ESR1: variants seen among roughly 807,000 people sequenced by gnomAD.
ESR1 encodes estrogen receptor.
A neutral mutation model predicts 52.7 loss-of-function variants in ESR1; 12 were observed. That is an observed-to-expected ratio of 0.23 (90% CI 0.15 to 0.37). The LOEUF (loss-of-function observed/expected upper bound fraction) is 0.37. Ranked by LOEUF, ESR1 falls within the 10% of genes least tolerant of loss-of-function variation. The pLI is 1.00. For missense variants in ESR1, 584 were observed against 779.7 expected (o/e 0.75, Z 2.99); for synonymous variants, 305 against 316.8 (o/e 0.96, Z 0.39).
rs189116461 is a variant in ESR1, at chr6:151,890,127, C to T, written c.760+9356C>T. Among the ~76,000 whole-genome samples the T allele has an allele frequency of 3.0e-4, 45 of 151,520 alleles. No homozygotes were observed. The East Asian group carries it at 7.5e-3, about 25-fold the overall frequency. On this transcript the variant is annotated intron_variant, in intron 3 of 7. Transcript: ENST00000206249. ...TGAGACAGAGTCTCACTGTGTTGCC[C>T]AGGCTGGAGTGCACTGGCTCAATCT...
At chr6:151,740,751 C>T (rs999949759) in intron 2 of ESR1, among the ~76,000 whole-genome samples, 3 of 152,060 alleles carry the variant, frequency 2.0e-5, no homozygotes, top group African/African-American at 7.2e-5. Flanking sequence ...GAATCTGATG[C>T]CCAATATTCT....
chr6:152,121,546 T>C (rs1207483355), intron 6 of ESR1: 1 of 152,288 alleles, frequency 6.6e-6, no homozygotes, highest in African/African-American at 2.4e-5. Context: ...CCTCTTGCCA[T>C]CCTTTTCCTT....
chr6:151,961,569 G>A (rs1162731306), intron 4 of ESR1, among the ~76,000 whole-genome samples: 1 of 152,172 alleles, frequency 6.6e-6, no homozygotes, highest in Non-Finnish European at 1.5e-5. Context: ...GGAACCCTGT[G>A]CACTGGAGGA....
Position 151,704,949 on chromosome 6 carries a change from CCT to C in ESR1, c.-71+2945_-71+2946del, listed in dbSNP as rs1289449634. On this transcript the variant is annotated intron_variant, in intron 2 of 2. Coordinates refer to the ESR1 transcript ENST00000404742. ...GCAGAGGGCTTAGATCCTGAAGTTT[CCT>C]TCAGAAACTTCAGGATCTAAGCCCT... Among the ~76,000 whole-genome samples, 176 of 150,042 alleles carry C rather than the reference CCT, an allele frequency of 1.2e-3. 2 individuals carry two copies. The highest frequency in any genetic ancestry group is 7.3e-3 in the South Asian group (34 of 4,666).
chr6:151,925,680 G>A (rs1420031412), intron 3 of ESR1, among the ~76,000 whole-genome samples: 1 of 151,902 alleles, frequency 6.6e-6, no homozygotes, highest in African/African-American at 2.4e-5. Context: ...AGTTTGAGGA[G>A]TTTTTTTGTA....
chr6:152,039,531 C>G (rs1347395413), intron 5 of ESR1, among the ~76,000 whole-genome samples: 1 of 152,030 alleles, frequency 6.6e-6, no homozygotes, highest in African/African-American at 2.4e-5. Flanking sequence ...CATTCATCGC[C>G]CTGGAACTGA....
chr6:151,752,511 T>C (rs1416153915), intron 2 of ESR1, among the ~76,000 whole-genome samples: 1 of 150,314 alleles, frequency 6.7e-6, no homozygotes, highest in East Asian at 2.0e-4. Flanking sequence ...TGCTGCAGGC[T>C]CCCTATGTAT....
intron 7 of ESR1, among the ~76,000 whole-genome samples, chr6:152,097,533 T>C (rs1001696759): frequency 6.6e-6 from 1 of 152,168 alleles, no homozygotes; most frequent in African/African-American, 2.4e-5. Flanking sequence ...TGCAAATTTT[T>C]CTAAGACCTT....
At chr6:151,749,168 T>C (rs1379695326) in intron 2 of ESR1, among the ~76,000 whole-genome samples, 15 of 138,766 alleles carry the variant, frequency 1.1e-4, no homozygotes, top group African/African-American at 3.8e-4. Context: ...CTCAAATACT[T>C]GGGAAATTGC....
At chr6:152,055,819 CTA>C (rs1482498850) in intron 5 of ESR1, among the ~76,000 whole-genome samples, 6 of 152,198 alleles carry the variant, frequency 3.9e-5, no homozygotes, top group African/African-American at 1.4e-4. Flanking sequence ...CCCTAGCTTG[CTA>C]TGTTTTCTTA....
intron 2 of ESR1, among the ~76,000 whole-genome samples, chr6:151,753,031 C>G (rs1784013342): frequency 6.6e-6 from 1 of 152,144 alleles, no homozygotes; most frequent in Non-Finnish European, 1.5e-5. Context: ...GCTGATCATA[C>G]TCTGAGATTC....
chr6:151,928,804 T>C (rs1457355507), intron 3 of ESR1, among the ~76,000 whole-genome samples: 1 of 152,150 alleles, frequency 6.6e-6, no homozygotes, highest in East Asian at 1.9e-4. Flanking sequence ...ATTTTGAGGC[T>C]TTTTCTTTGA....
chr6:151,971,673 T>C (rs2038927283), intron 4 of ESR1, among the ~76,000 whole-genome samples: 1 of 152,042 alleles, frequency 6.6e-6, no homozygotes, highest in African/African-American at 2.4e-5. Context: ...AAGAGGAAAG[T>C]TCATAGCATT....
At chr6:151,726,610 A>G (rs1454004197) in intron 2 of ESR1, among the ~76,000 whole-genome samples, 2 of 152,248 alleles carry the variant, frequency 1.3e-5, no homozygotes, top group Non-Finnish European at 2.9e-5. Flanking sequence ...TGCTGGGATT[A>G]CAGGCGCAAG....
At chr6:151,699,987 C>T (rs1216146938) in intron 1 of ESR1, among the ~76,000 whole-genome samples, 1 of 151,524 alleles carries the variant, frequency 6.6e-6, no homozygotes, top group Non-Finnish European at 1.5e-5. Context: ...AATGTCAAGC[C>T]ATTTGGTCAG....
chr6:152,077,473 T>C (rs1160595031), intron 6 of ESR1, among the ~76,000 whole-genome samples: 1 of 152,154 alleles, frequency 6.6e-6, no homozygotes, highest in African/African-American at 2.4e-5. Flanking sequence ...CTAGTGGAGC[T>C]GTAAGAGGAG....
At position 151,973,337 on chromosome 6, in the gene ESR1, C is replaced by A. The variant is rs549307173; in HGVS notation, c.1096+28829C>A. On this transcript the variant is annotated intron_variant, in intron 4 of 7. Coordinates refer to ENST00000206249, the MANE Select transcript of ESR1 (RefSeq NM_000125.4). ...TAGTAGAGCCATTATATTCTGTCTG[C>A]ATTCAAGAGTGTGCTGCTTTATTTG... 9.1e-3 allele frequency among the ~76,000 whole-genome samples: 919 copies of A among 100,786 alleles called. 10 individuals carry two copies. The highest frequency in any genetic ancestry group is 0.023 in the African/African-American group (820 of 35,792). 66.1% of individuals were successfully genotyped at this position (100,786 alleles called of 152,430 possible).
At chr6:151,949,057 A>T (rs2036034786) in intron 4 of ESR1, among the ~76,000 whole-genome samples, 1 of 152,192 alleles carries the variant, frequency 6.6e-6, no homozygotes, top group Admixed American at 6.5e-5. Flanking sequence ...TAAGGCTGTG[A>T]CATTTCTCCT....
In ESR1 at chr6:152,100,371, A is replaced by G. The variant is rs1376499636; in HGVS notation, c.*1405A>G. On this transcript the variant is annotated 3_prime_UTR_variant, in exon 8 of 8. Coordinates refer to ENST00000206249, the MANE Select transcript of ESR1 (RefSeq NM_000125.4). ...CCCTTGGTGGTTTAGAGATAATCCA[A>G]AATCAGGGTTTGGTTTGGGGAAGAA... 1.8e-5 allele frequency: 6 copies of G among 332,056 alleles called. No individual in the cohort carries two copies. Among genetic ancestry groups the G allele is most frequent in the Admixed American group, 9.8e-5 (2 of 20,436 alleles). 20.6% of individuals were successfully genotyped at this position (332,056 alleles called of 1,614,324 possible).
Sources: gnomAD v4.1 joint callset for allele counts (sites outside exome capture counted in the v4.1 genomes callset) on GRCh38, gnomAD v4.1.1 for gene constraint, MANE v1.5 for transcripts, NCBI Gene and HGNC (gene_info 2026-07-23, HGNC 2026-07-21) for gene names.